The following HAVCR2 variants were observed in gnomAD, a reference collection of about 807,000 sequenced individuals.
HAVCR2 encodes hepatitis A virus cellular receptor 2, also known as T cell immunoglobulin mucin 3.
Under a neutral mutation model 24.7 loss-of-function variants are expected in HAVCR2, and 13 were observed. The ratio of observed to expected loss-of-function variants is 0.53; its 90% confidence interval spans 0.34 to 0.84. The LOEUF is 0.84. HAVCR2 is among the 40% of genes least tolerant of loss of function. The pLI is 0.01. For missense variants in HAVCR2, 343 were observed against 371.2 expected, an observed-to-expected ratio of 0.92 and a Z score of 0.62; for synonymous variants, 154 against 143.4, an observed-to-expected ratio of 1.07 and a Z score of -0.53.
intron 1 of HAVCR2, among the ~76,000 whole-genome samples, chr5:157,108,113 C>A (rs1271101823): frequency 6.6e-6 from 1 of 151,762 alleles, no homozygotes; most frequent in Non-Finnish European, 1.5e-5. Flanking sequence ...TATATATTTT[C>A]TTTTGATTTT....
chr5:157,102,636 A>G (rs6555849), intron 3 of HAVCR2, among the ~76,000 whole-genome samples: 127,321 of 152,062 alleles, frequency 0.84, 53,446 homozygotes, highest in East Asian at 0.99. Flanking sequence ...GAACTAACAA[A>G]CAAAAACTAA....
chr5:157,098,680 A>AT (rs200510921), intron 4 of HAVCR2, among the ~76,000 whole-genome samples, 178 bp downstream of exon 4: 2,839 of 152,294 alleles, frequency 0.019, 39 homozygotes, highest in Middle Eastern at 0.031. Context: ...TCAGTCCTTC[A>AT]TTACAGCAGG....
In HAVCR2 at chr5:157,106,621, A is replaced by C. The variant is rs1049380372; in HGVS notation, c.394+6T>G. ...TCATAAAGATGGCATGCAAATGTCC[A>C]CTCACCTGGTTTGATGACCAACTTC... On this transcript the variant is annotated splice_donor_region_variant and intron_variant, in intron 2 of 6. Transcript: ENST00000307851. The C allele has an allele frequency of 1.2e-5, 20 of 1,608,034 alleles. No homozygotes were observed. Among genetic ancestry groups the C allele is most frequent in the Non-Finnish European group, 1.6e-5 (19 of 1,174,642 alleles).
At chr5:157,098,407 A>G (rs1288437925) in intron 4 of HAVCR2, among the ~76,000 whole-genome samples, 17 of 119,428 alleles carry the variant, frequency 1.4e-4, no homozygotes, top group Admixed American at 9.7e-5. Flanking sequence ...AATTCTGTCT[A>G]AAAAAAAAAA....
Position 157,108,014 on chromosome 5 carries a change from T to C in HAVCR2, c.58+912A>G, listed in dbSNP as rs923145303. Among the ~76,000 whole-genome samples, 34 of 152,124 alleles carry C rather than the reference T, an allele frequency of 2.2e-4. 1 individual carries two copies. Among genetic ancestry groups the C allele is most frequent in the African/African-American group, 8.0e-4 (33 of 41,504 alleles). ...TGGCAAACAAATCTCCTAAAATGAT[T>C]GAGACTTGTCTCCTCATTTTCCTCA... On this transcript the variant is annotated intron_variant, in intron 1 of 6. Transcript: ENST00000307851.
chr5:157,087,813 G>T (rs1419832890), intron 6 of HAVCR2, among the ~76,000 whole-genome samples: 1 of 149,846 alleles, frequency 6.7e-6, no homozygotes, highest in Admixed American at 6.7e-5. Flanking sequence ...CTAATGCAGA[G>T]AATCGCTTGA....
intron 3 of HAVCR2, among the ~76,000 whole-genome samples, chr5:157,100,880 G>A (rs576378143): frequency 3.0e-4 from 46 of 152,184 alleles, no homozygotes; most frequent in East Asian, 1.4e-3. Context: ...GGCAGATCAC[G>A]AGGTCAGGAG....
At chr5:157,090,988 C>T (rs949439301) in intron 5 of HAVCR2, among the ~76,000 whole-genome samples, 3 of 152,082 alleles carry the variant, frequency 2.0e-5, no homozygotes, top group African/African-American at 2.4e-5. Context: ...GGACGATAGG[C>T]GTGCACCACC....
At chr5:157,094,022 C>G (rs1757054887) in intron 5 of HAVCR2, among the ~76,000 whole-genome samples, 1 of 150,972 alleles carries the variant, frequency 6.6e-6, no homozygotes, top group African/African-American at 2.4e-5. Flanking sequence ...CATCAAAATT[C>G]ATCAACTTCA....
intron 5 of HAVCR2, among the ~76,000 whole-genome samples, chr5:157,092,027 T>A (rs1261363512): frequency 1.3e-5 from 2 of 152,040 alleles, no homozygotes; most frequent in Non-Finnish European, 2.9e-5. Context: ...AGTAGCCATG[T>A]TTTTTTGGAG....
intron 3 of HAVCR2, among the ~76,000 whole-genome samples, chr5:157,100,443 GATC>G (rs1438781349): frequency 6.6e-6 from 1 of 152,162 alleles, no homozygotes; most frequent in Non-Finnish European, 1.5e-5. Flanking sequence ...TTCATCTGCT[GATC>G]CATTCCATGA....
At chr5:157,102,949 A>AAAAG (rs1757189705) in intron 3 of HAVCR2, among the ~76,000 whole-genome samples, 1 of 149,338 alleles carries the variant, frequency 6.7e-6, no homozygotes. Context: ...AAAAAAAAAA[A>AAAAG]GGAAAGAAAA....
At chr5:157,091,157 G>C (rs1243141627) in intron 5 of HAVCR2, among the ~76,000 whole-genome samples, 5 of 152,092 alleles carry the variant, frequency 3.3e-5, no homozygotes, top group Non-Finnish European at 7.4e-5. Flanking sequence ...AAAGATAAAG[G>C]TATCAGGCTG....
At chr5:157,087,898 G>A (rs533126280) in intron 6 of HAVCR2, among the ~76,000 whole-genome samples, 18 of 132,270 alleles carry the variant, frequency 1.4e-4, no homozygotes, top group East Asian at 9.0e-4. Flanking sequence ...GCCAGACTCC[G>A]TCTCAAAAAA....
intron 4 of HAVCR2, among the ~76,000 whole-genome samples, chr5:157,095,766 A>G (rs1375364085): frequency 6.6e-6 from 1 of 151,974 alleles, no homozygotes; most frequent in Non-Finnish European, 1.5e-5. Flanking sequence ...TGCCCCTGCA[A>G]AAATTGGCTT....
At chr5:157,105,051 G>T in intron 2 of HAVCR2, 2 of 158,228 alleles carry the variant, frequency 1.3e-5, no homozygotes, top group Non-Finnish European at 2.5e-5. Context: ...GATCAGAAAT[G>T]TTTTAGATTT....
chr5:157,107,233 G>T (rs1757266357), intron 1 of HAVCR2: 1 of 388,804 alleles, frequency 2.6e-6, no homozygotes, highest in African/African-American at 2.0e-5. Flanking sequence ...TTTCTAACAA[G>T]TTCTCAAGTG....
intron 5 of HAVCR2, among the ~76,000 whole-genome samples, chr5:157,090,885 C>T (rs549298294): frequency 4.6e-5 from 7 of 152,042 alleles, no homozygotes; most frequent in Non-Finnish European, 1.0e-4. Context: ...TGTGCTGTGT[C>T]ACCCAGGCTA....
rs181654455 is a variant in HAVCR2, at chr5:157,107,212, G to C, written c.59-250C>G. 274 of 466,114 alleles carry C rather than the reference G, an allele frequency of 5.9e-4. 1 individual carries two copies. Among genetic ancestry groups the C allele is most frequent in the Non-Finnish European group, 9.2e-4 (239 of 260,964 alleles). The allele number at this position is 466,114 out of a possible 1,614,324, so 28.9% of individuals were successfully genotyped here. On this transcript the variant is annotated intron_variant, in intron 1 of 6. Transcript: ENST00000307851. ...ACTCAGTTGGCCTGTGGTAGAGCCT[G>C]AGAACTTTTATTTCTAACAAGTTCT...
Sources: gnomAD v4.1 joint callset for allele counts (sites outside exome capture counted in the v4.1 genomes callset) on GRCh38, gnomAD v4.1.1 for gene constraint, MANE v1.5 for transcripts, NCBI Gene and HGNC (gene_info 2026-07-23, HGNC 2026-07-21) for gene names.